Variants in GPCPD1 observed in about 807,000 individuals in gnomAD.
The protein encoded by GPCPD1 is glycerophosphocholine phosphodiesterase GPCPD1.
A neutral mutation model predicts 89.2 loss-of-function variants in GPCPD1; 29 were observed. The observed-to-expected ratio is 0.33, with a 90% CI of 0.24 to 0.44. The LOEUF is 0.44. Among genes scored for constraint, GPCPD1 ranks in the 20% least tolerant of loss-of-function variants. The probability of loss-of-function intolerance (pLI) is 1.00; values close to 1 mark genes in which losing one functional copy is unlikely to be tolerated. For synonymous variants in GPCPD1, 258 were observed against 266.3 expected (o/e 0.97, Z 0.30); for missense variants, 594 against 808.9 (o/e 0.73, Z 3.22).
At chr20:5,596,223 A>C (rs1180629069) in intron 3 of GPCPD1, among the ~76,000 whole-genome samples, 1 of 151,874 alleles carries the variant, frequency 6.6e-6, no homozygotes, top group Non-Finnish European at 1.5e-5. Flanking sequence ...CAACACAGTG[A>C]AACCTCATCT....
chr20:5,549,363 T>C, intron 19 of GPCPD1: 2 of 1,190,040 alleles, frequency 1.7e-6, no homozygotes, highest in Non-Finnish European at 1.2e-6. Flanking sequence ...GTTACACATA[T>C]AGAGAGGGTA....
At chr20:5,588,782 G>T (rs776913226) in intron 4 of GPCPD1, among the ~76,000 whole-genome samples, 1 of 150,502 alleles carries the variant, frequency 6.6e-6, no homozygotes, top group African/African-American at 2.4e-5. Flanking sequence ...CTGAGATTGC[G>T]CCACTGCACT....
chr20:5,578,604 G>A lies in GPCPD1; in HGVS notation c.481C>T (p.Leu161=). 1 of 1,597,618 alleles carries A rather than the reference G, an allele frequency of 6.3e-7. No homozygotes were observed. Among genetic ancestry groups the A allele is most frequent in the East Asian group, 2.2e-5 (1 of 44,816 alleles). The part of the protein sequence containing the change: ...KLKKSRFRVK[L]TLEGLEEDDD... ...TCTTCCTCCAGGCCTTCTAGTGTCA[G>A]CTTCACCCTACGTAATAAACAAAAT... is the stretch of plus-strand genomic sequence containing the variant. The change falls in exon 8 of 20, where the codon CTG becomes TTG. Residue 161 remains leucine (L), a synonymous_variant. Coordinates refer to ENST00000379019, the MANE Select transcript of GPCPD1 (RefSeq NM_019593.5).
rs1279926753 is a variant in GPCPD1 at position 5,554,503 on chromosome 20, T to G, written c.1829+3442A>C. ...GGGCCCTTCAGAATTACGCTAAATC[T>G]ACTTTGTCTGTGCTCCAGAAATGCA... is the stretch of plus-strand genomic sequence containing the variant. On this transcript the variant is annotated intron_variant, in intron 19 of 19. Coordinates refer to ENST00000379019, the MANE Select transcript of GPCPD1 (RefSeq NM_019593.5). Among the ~76,000 whole-genome samples, 4 of 152,232 alleles carry G rather than the reference T, an allele frequency of 2.6e-5. No homozygotes were observed. In the South Asian group the frequency reaches 6.2e-4, roughly 24 times the overall value.
chr20:5,598,649 C>A, intron 3 of GPCPD1, 76 bp downstream of exon 3: 1 of 792,984 alleles, frequency 1.3e-6, no homozygotes, highest in Non-Finnish European at 2.1e-6. Context: ...GAAAAAATAC[C>A]AAGATATCTT....
intron 1 of GPCPD1, among the ~76,000 whole-genome samples, 172 bp from the exon 2 acceptor site, chr20:5,604,612 G>GGGGGA (rs1555810967): frequency 1.2e-3 from 21 of 17,092 alleles, no homozygotes; most frequent in East Asian, 3.2e-3. Context: ...ACTTTAGTGC[G>GGGGGA]GGGGGGGGGG....
chr20:5,590,538 G>C, intron 4 of GPCPD1, among the ~76,000 whole-genome samples: 1 of 15,864 alleles, frequency 6.3e-5, no homozygotes, highest in South Asian at 1.4e-3. Context: ...ACAAGACTCT[G>C]TCTCAAAAAA....
Position 5,544,965 on chromosome 20 carries a change from C to T in GPCPD1, c.*2696G>A, listed in dbSNP as rs1381736169. ...GTGGGTGGCAGGAAGCGCCACAACACTTTCCACACAGGGGTGGGTGGTGTG... is the reference window on the plus strand; with the variant it reads ...GTGGGTGGCAGGAAGCGCCACAACATTTTCCACACAGGGGTGGGTGGTGTG... On this transcript the variant is annotated 3_prime_UTR_variant, in exon 20 of 20. Coordinates refer to ENST00000379019, the MANE Select transcript of GPCPD1 (RefSeq NM_019593.5). The T allele has an allele frequency of 6.6e-6, 1 of 152,156 alleles. No individual in the cohort carries two copies. Among genetic ancestry groups the T allele is most frequent in the East Asian group, 1.9e-4 (1 of 5,172 alleles). The allele number at this position is 152,156 out of a possible 1,614,324, so 9.4% of individuals were successfully genotyped here.
intron 8 of GPCPD1, among the ~76,000 whole-genome samples, chr20:5,578,004 G>A (rs1367765402): frequency 6.6e-6 from 1 of 152,138 alleles, no homozygotes; most frequent in Admixed American, 6.5e-5. Context: ...TAAATGACAG[G>A]CTTCCATCAT....
intron 4 of GPCPD1, among the ~76,000 whole-genome samples, chr20:5,589,098 T>C (rs140968934): frequency 1.6e-4 from 25 of 152,248 alleles, no homozygotes; most frequent in African/African-American, 6.0e-4. Flanking sequence ...TAGACTTGAA[T>C]AGAATAGCAT....
chr20:5,580,600 C>A (rs1442335906), intron 6 of GPCPD1, among the ~76,000 whole-genome samples: 1 of 151,638 alleles, frequency 6.6e-6, no homozygotes, highest in African/African-American at 2.4e-5. Flanking sequence ...GTGGCGGGCG[C>A]CTGTAGTCCC....
intron 11 of GPCPD1, among the ~76,000 whole-genome samples, chr20:5,571,112 T>G (rs965110534): frequency 1.3e-5 from 2 of 152,204 alleles, no homozygotes; most frequent in African/African-American, 4.8e-5. Flanking sequence ...CCCCTTACAC[T>G]GGCTCTAAAT....
rs11479995 is a variant in GPCPD1, at chr20:5,581,814, C to CTTTTTTTT, written c.350-1691_350-1684dup. ...ATGCTTAATAATTGTGGGACTTTAA[C>CTTTTTTTT]TTTTTTTTTTTTTTTTTTTTTTTTT... On this transcript the variant is annotated intron_variant, in intron 6 of 19. Coordinates refer to ENST00000379019, the MANE Select transcript of GPCPD1 (RefSeq NM_019593.5). Among the ~76,000 whole-genome samples the CTTTTTTTT allele has an allele frequency of 5.1e-3, 383 of 74,978 alleles. 55 individuals carry two copies. Among genetic ancestry groups the CTTTTTTTT allele is most frequent in the African/African-American group, 0.019 (245 of 13,070 alleles). 49.2% of individuals were successfully genotyped at this position (74,978 alleles called of 152,430 possible). A position where few individuals can be genotyped will look rare whatever the true frequency, so the allele number is the denominator to read the frequency against.
At chr20:5,554,916 A>C (rs8119803) in intron 19 of GPCPD1, among the ~76,000 whole-genome samples, 14,237 of 152,256 alleles carry the variant, frequency 0.094, 1,108 homozygotes, top group African/African-American at 0.21. Flanking sequence ...CATTTGGAAG[A>C]AGCTGATATC....
intron 1 of GPCPD1, among the ~76,000 whole-genome samples, chr20:5,606,293 A>G (rs1399285922): frequency 6.6e-6 from 1 of 151,904 alleles, no homozygotes; most frequent in Non-Finnish European, 1.5e-5. Flanking sequence ...CCCCTCAAAA[A>G]AACCTTTGCC....
rs752262748 is a variant in GPCPD1, at chr20:5,577,053, GT to G, written c.706-1076del. ...CCATCTCAACAACAAAAAAAAAGTT[GT>G]TTTTTTTTTTGTTTTTTTTTTTTTT... is the stretch of plus-strand genomic sequence containing the variant. On this transcript the variant is annotated intron_variant, in intron 8 of 19. Transcript: ENST00000379019. Among the ~76,000 whole-genome samples, 78 of 124,606 alleles carry G rather than the reference GT, an allele frequency of 6.3e-4. No individual in the cohort carries two copies. The East Asian group carries it at 0.012, about 19-fold the overall frequency. 81.7% of individuals were successfully genotyped at this position (124,606 alleles called of 152,430 possible). A position where few individuals can be genotyped will look rare whatever the true frequency, so the allele number is the denominator to read the frequency against.
At chr20:5,593,003 C>G (rs1979438769) in intron 4 of GPCPD1, among the ~76,000 whole-genome samples, 1 of 152,082 alleles carries the variant, frequency 6.6e-6, no homozygotes, top group Non-Finnish European at 1.5e-5. Context: ...GATTAAAAAA[C>G]AAAACCAAAA....
intron 6 of GPCPD1, among the ~76,000 whole-genome samples, chr20:5,581,460 T>C (rs902367418): frequency 8.5e-5 from 13 of 152,220 alleles, no homozygotes; most frequent in African/African-American, 2.9e-4. Flanking sequence ...GGATCACTGT[T>C]ACACTTCCAA....
At chr20:5,604,469 G>A in intron 1 of GPCPD1, 29 bp from the exon 2 acceptor site, 2 of 1,076,478 alleles carry the variant, frequency 1.9e-6, no homozygotes, top group Non-Finnish European at 2.8e-6. Context: ...GTAACTTATA[G>A]TATAAAAATA....
Sources: allele counts gnomAD v4.1 joint callset (sites outside exome capture counted in the v4.1 genomes callset), GRCh38; gene constraint gnomAD v4.1.1; transcripts MANE v1.5; gene names NCBI Gene and HGNC (gene_info 2026-07-23, HGNC 2026-07-21).